Variants in KRT35 observed in about 807,000 individuals in gnomAD.
KRT35 encodes keratin, type I cuticular Ha5.
Under a neutral mutation model 42.2 loss-of-function variants are expected in KRT35, and 33 were observed. The observed-to-expected ratio is 0.78, with a 90% confidence interval of 0.59 to 1.05. The LOEUF is 1.05. Among genes scored for constraint, KRT35 ranks in the 50% least tolerant of loss-of-function variants. The probability of loss-of-function intolerance (pLI) is 0.00; values close to 1 mark genes in which losing one functional copy is unlikely to be tolerated. For missense variants in KRT35, 585 were observed against 589.2 expected (o/e 0.99, Z 0.07); for synonymous variants, 218 against 238.2 (o/e 0.92, Z 0.78).
Position 41,478,824 on chromosome 17 carries a change from A to C in KRT35, c.873+10T>G. Reference sequence around the variant, plus strand: ...TACCCCTGTTGCACTGACTGTTTCCAGGTACCTACCTGGGTGTCCAACCAG... The same window carrying C: ...TACCCCTGTTGCACTGACTGTTTCCCGGTACCTACCTGGGTGTCCAACCAG... On this transcript the variant is annotated intron_variant, in intron 4 of 6. Coordinates refer to ENST00000246639, the MANE Select transcript of KRT35 (RefSeq NM_002280.6). 6.2e-7 allele frequency: 1 copy of C among 1,610,384 alleles called. No individual in the cohort carries two copies. Among genetic ancestry groups the C allele is most frequent in the Non-Finnish European group, 8.5e-7 (1 of 1,177,892 alleles).
In KRT35 at chr17:41,477,562, A is replaced by G. The variant is rs201833786; in HGVS notation, c.1176T>C (p.Cys392=). 2 of 1,612,886 alleles carry G rather than the reference A, an allele frequency of 1.2e-6. No homozygotes were observed. Among genetic ancestry groups the G allele is most frequent in the African/African-American group, 1.3e-5 (1 of 74,664 alleles). The change falls in exon 6 of 7, where the codon TGT becomes TGC. Residue 392 remains cysteine (C), a synonymous_variant. Coordinates refer to ENST00000246639, the MANE Select transcript of KRT35 (RefSeq NM_002280.6). ...GCAGGCCCCGGTACGTGTTGATCTC[A>G]CACTCCAGCCGGGCCCGGACGTCCA... is the stretch of plus-strand genomic sequence containing the variant. The part of the protein sequence containing the change: ...VLLDVRARLE[C]EINTYRGLLE...
In KRT35 at chr17:41,481,031, C is replaced by A. The variant is rs770754537; in HGVS notation, c.67G>T (p.Gly23Trp). The A allele has an allele frequency of 3.8e-5, 61 of 1,613,958 alleles. No homozygotes were observed. Among genetic ancestry groups the A allele is most frequent in the Non-Finnish European group, 5.0e-5 (59 of 1,180,016 alleles). ...GSLKSPGGAS[G>W]GSTRVSAMYS... ...ATTGCGGACACACGAGTGGAGCCCCCACTGGCCCCTCCTGGGCTCTTGAGA... is the reference window on the plus strand; with the variant it reads ...ATTGCGGACACACGAGTGGAGCCCCAACTGGCCCCTCCTGGGCTCTTGAGA... Residue 23 changes from glycine to tryptophan, a missense_variant, in exon 1 of 7, where the codon GGG (glycine) becomes TGG (tryptophan). By Grantham distance (184) the Gly-to-Trp change is radical. Transcript: ENST00000246639.
intron 6 of KRT35, among the ~76,000 whole-genome samples, 155 bp from the exon 7 acceptor site, chr17:41,477,358 G>A (rs72830064): frequency 1.3e-5 from 2 of 152,168 alleles, no homozygotes; most frequent in African/African-American, 4.8e-5. Context: ...TGAGAGGAAA[G>A]GGGGCTTGCT....
intron 1 of KRT35, among the ~76,000 whole-genome samples, chr17:41,480,346 G>A: frequency 6.6e-6 from 1 of 152,150 alleles, no homozygotes; most frequent in Non-Finnish European, 1.5e-5. Context: ...CAGAGGATTG[G>A]GCAATACCAC....
intron 3 of KRT35, 74 bp downstream of exon 3, chr17:41,479,273 C>T (rs2019222210): frequency 6.7e-7 from 1 of 1,500,058 alleles, no homozygotes; most frequent in South Asian, 1.2e-5. Context: ...CCCCAATGCT[C>T]ACCTCCTCCC....
rs2019232480 is a variant in KRT35 at position 41,480,043 on chromosome 17, G to T, written c.472-262C>A. 2.6e-5 allele frequency among the ~76,000 whole-genome samples: 4 copies of T among 152,338 alleles called. No individual in the cohort carries two copies. The South Asian group carries it at 8.3e-4, about 32-fold the overall frequency. ...TGCAACAGGAAAGGCCTGGCATGAT[G>T]AAATGAGGCTTCTTCCAATCTCCCT... On this transcript the variant is annotated intron_variant, in intron 1 of 6. Transcript: ENST00000246639.
chr17:41,476,989 TAA>T lies in KRT35; in HGVS notation c.*65_*66del. 1.4e-6 allele frequency: 2 copies of T among 1,450,004 alleles called. No homozygotes were observed. Among genetic ancestry groups the T allele is most frequent in the African/African-American group, 2.9e-5 (2 of 69,862 alleles). 89.8% of individuals were successfully genotyped at this position (1,450,004 alleles called of 1,614,324 possible). A position where few individuals can be genotyped will look rare whatever the true frequency, so the allele number is the denominator to read the frequency against. On this transcript the variant is annotated 3_prime_UTR_variant, in exon 7 of 7. Transcript: ENST00000246639. The stretch of plus-strand genomic sequence containing the variant: ...AGAGAGGGGATTGGGCTACAAGGGT[TAA>T]GTTTGGGTAGAGGCCAAGTTCAAGC...
At chr17:41,477,795 A>G in intron 5 of KRT35, 57 bp from the exon 6 acceptor site, 1 of 1,549,878 alleles carries the variant, frequency 6.5e-7, no homozygotes, top group East Asian at 2.3e-5. Flanking sequence ...AGAAGGAGCA[A>G]GGAAGGAATC....
In KRT35 at chr17:41,479,347, C is replaced by T; in HGVS notation, c.711G>A (p.Glu237=). The T allele has an allele frequency of 6.2e-7, 1 of 1,613,640 alleles. No homozygotes were observed. Among genetic ancestry groups the T allele is most frequent in the Non-Finnish European group, 8.5e-7 (1 of 1,179,830 alleles). The change falls in exon 3 of 7, where the codon GAG becomes GAA. Residue 237 remains glutamate (E), a splice_region_variant and synonymous_variant. Transcript: ENST00000246639. Reference sequence around the variant, plus strand: ...TGTTCACCTTTTCCCCCATGCTCACCTCCTCATGGTTCTTCTTCAGGCAGA... The same window carrying T: ...TGTTCACCTTTTCCCCCATGCTCACTTCCTCATGGTTCTTCTTCAGGCAGA... ...ELLCLKKNHE[E]EVNSLRCQLG...
At position 41,477,602 on chromosome 17, in the gene KRT35, T is replaced by C; in HGVS notation, c.1136A>G (p.Glu379Gly). The change falls in exon 6 of 7, where the codon GAG becomes GGG. Residue 379 changes from glutamate to glycine, a missense_variant. Coordinates refer to ENST00000246639, the MANE Select transcript of KRT35 (RefSeq NM_002280.6). ...CCGGACGTCCAGCAGCACCTGGTAC[T>C]CCTGGTTCTGCCGCTCCAGGTCAGC... ...IRADLERQNQ[E>G]YQVLLDVRAR... The C allele has an allele frequency of 6.2e-7, 1 of 1,614,248 alleles. No individual in the cohort carries two copies.
intron 3 of KRT35, 139 bp from the exon 4 acceptor site, chr17:41,479,134 A>G (rs1328605707): frequency 2.1e-6 from 2 of 952,916 alleles, no homozygotes; most frequent in Non-Finnish European, 3.0e-6. Flanking sequence ...CCCCATGCCC[A>G]CCTCCTCCCC....
Position 41,477,689 on chromosome 17 carries a change from G to A in KRT35, c.1049C>T (p.Ser350Phe), listed in dbSNP as rs758858344. The A allele has an allele frequency of 1.2e-6, 2 of 1,614,132 alleles. No homozygotes were observed. The highest frequency in any genetic ancestry group is 4.5e-5 in the East Asian group (2 of 44,902). Residue 350 changes from serine (S) to phenylalanine (F), a missense_variant, in exon 6 of 7, where the codon TCC (serine) becomes TTC (phenylalanine). Transcript: ENST00000246639. ...CATGCACTGCATCTGGGCCAGCTGGGAGCTATAGCGGGCCTCCGTCTCTGC... is the reference window on the plus strand; with the variant it reads ...CATGCACTGCATCTGGGCCAGCTGGAAGCTATAGCGGGCCTCCGTCTCTGC... Reference protein sequence around the residue: ...TLAETEARYSSQLAQMQCMIT... With the variant: ...TLAETEARYSFQLAQMQCMIT...
chr17:41,479,147 GC>G, intron 3 of KRT35, 152 bp from the exon 4 acceptor site: 1 of 965,740 alleles, frequency 1.0e-6, no homozygotes, highest in Non-Finnish European at 1.5e-6. Flanking sequence ...TCCTCCCCAT[GC>G]TCACCTCCTC....
At chr17:41,477,304 A>C in intron 6 of KRT35, 101 bp from the exon 7 acceptor site, 1 of 1,412,210 alleles carries the variant, frequency 7.1e-7, no homozygotes, top group Non-Finnish European at 9.7e-7. Context: ...CCTAAAAACC[A>C]CCTTGATCCT....
In KRT35 at chr17:41,480,695, G is replaced by A; in HGVS notation, c.403C>T (p.Gln135Ter). Reference sequence around the variant, plus strand: ...TCAGGGCACATGTAGGGGACCTGCTGCTCACACCACTCACGGATGCGGCTC... The same window carrying A: ...TCAGGGCACATGTAGGGGACCTGCTACTCACACCACTCACGGATGCGGCTC... ...LESRIREWCE[Q>*]QVPYMCPDYQ... is the part of the protein sequence containing the mutation. The change falls in exon 1 of 7, where the codon CAG (glutamine) becomes TAG (stop). Residue 135 changes from glutamine to a stop codon, truncating the protein, a stop_gained. Transcript: ENST00000246639. LOFTEE classifies it high-confidence loss of function. 7 of 1,614,202 alleles carry A rather than the reference G, an allele frequency of 4.3e-6. No homozygotes were observed. The highest frequency in any genetic ancestry group is 5.9e-6 in the Non-Finnish European group (7 of 1,180,036).
At chr17:41,477,903 G>A (rs2019200553) in intron 5 of KRT35, among the ~76,000 whole-genome samples, 165 bp from the exon 6 acceptor site, 1 of 152,098 alleles carries the variant, frequency 6.6e-6, no homozygotes, top group African/African-American at 2.4e-5. Context: ...AAAGGCTAGA[G>A]GTCAGAGAAG....
In KRT35 at chr17:41,479,450, A is replaced by G; in HGVS notation, c.608T>C (p.Leu203Pro). ...GGTCAGGTCATCCAGGATCCTGCGC[A>G]GGCCGTTGATGTCTGACTCCACCAG... ...RQLVESDINGLRRILDDLTLC... is the reference protein window; with the variant it reads ...RQLVESDINGPRRILDDLTLC... The change falls in exon 3 of 7, where the codon CTG (leucine) becomes CCG (proline). Residue 203 changes from leucine (L) to proline (P), a missense_variant. Coordinates refer to ENST00000246639, the MANE Select transcript of KRT35 (RefSeq NM_002280.6). The G allele has an allele frequency of 6.2e-7, 1 of 1,614,184 alleles. No individual in the cohort carries two copies. Among genetic ancestry groups the G allele is most frequent in the Non-Finnish European group, 8.5e-7 (1 of 1,180,020 alleles).
At chr17:41,477,483 A>C (rs1481347779) in intron 6 of KRT35, 35 bp downstream of exon 6, 1 of 1,609,218 alleles carries the variant, frequency 6.2e-7, no homozygotes, top group African/African-American at 1.3e-5. Context: ...GGTAGATTGC[A>C]GTGAGAAGAC....
At chr17:41,480,096 G>T (rs561774772) in intron 1 of KRT35, among the ~76,000 whole-genome samples, 1 of 152,176 alleles carries the variant, frequency 6.6e-6, no homozygotes, top group Non-Finnish European at 1.5e-5. Flanking sequence ...GGGGCCCAGG[G>T]CATTTCATTG....
Sources: gnomAD v4.1 joint callset for allele counts (sites outside exome capture counted in the v4.1 genomes callset) on GRCh38, gnomAD v4.1.1 for gene constraint, MANE v1.5 for transcripts, NCBI Gene and HGNC (gene_info 2026-07-23, HGNC 2026-07-21) for gene names.